FSTL4: variants seen among roughly 807,000 people sequenced by gnomAD.
The protein encoded by FSTL4 is follistatin like 4.
Under a neutral mutation model 78.2 loss-of-function variants are expected in FSTL4, and 28 were observed. The observed-to-expected ratio is 0.36, with a 90% CI of 0.27 to 0.49. The LOEUF (loss-of-function observed/expected upper bound fraction) is 0.49, where lower values mean the gene tolerates loss of function less well. Ranked by LOEUF, FSTL4 falls within the 20% of genes least tolerant of loss-of-function variation. FSTL4 has a pLI of 0.98. For synonymous variants in FSTL4, 422 were observed against 440.5 expected (o/e 0.96, Z 0.53); for missense variants, 922 against 1,084.9 (o/e 0.85, Z 2.11).
At chr5:133,652,486 T>C in the FSTL4 span, among the ~76,000 whole-genome samples, 1 of 152,212 alleles carries the variant, frequency 6.6e-6, no homozygotes, top group Non-Finnish European at 1.5e-5. Context: ...TTAAATTTTC[T>C]TTTGAGATTT....
chr5:133,524,192 G>A (rs1168391919), intron 3 of FSTL4, among the ~76,000 whole-genome samples: 1 of 152,168 alleles, frequency 6.6e-6, no homozygotes, highest in African/African-American at 2.4e-5. Context: ...TGGGAAGCTG[G>A]AGAGAGAGAT....
chr5:133,508,502 A>G (rs749402785), intron 3 of FSTL4, among the ~76,000 whole-genome samples: 13 of 152,244 alleles, frequency 8.5e-5, no homozygotes, highest in Non-Finnish European at 1.8e-4. Flanking sequence ...ATGTGATGAC[A>G]GCTATGACAT....
At chr5:133,259,179 G>GT (rs1281917548) in intron 6 of FSTL4, among the ~76,000 whole-genome samples, 1 of 148,426 alleles carries the variant, frequency 6.7e-6, no homozygotes, top group African/African-American at 2.5e-5. Context: ...AGGTGTGTGT[G>GT]TGGGGGGTGG....
At chr5:133,421,975 T>G (rs899333897) in intron 3 of FSTL4, among the ~76,000 whole-genome samples, 10 of 151,864 alleles carry the variant, frequency 6.6e-5, no homozygotes, top group African/African-American at 2.2e-4. Flanking sequence ...ACAAGGGATA[T>G]TTAGATAAGG....
the FSTL4 span, among the ~76,000 whole-genome samples, chr5:133,774,192 G>C: frequency 2.0e-5 from 3 of 152,206 alleles, no homozygotes; most frequent in African/African-American, 7.2e-5. Context: ...CTCATCATCT[G>C]TAGTTGCAGA....
At position 133,589,480 on chromosome 5, in the gene FSTL4, A is replaced by G. The variant is rs533208906; in HGVS notation, c.126+14378T>C. On this transcript the variant is annotated intron_variant, in intron 2 of 15. Coordinates refer to ENST00000265342, the MANE Select transcript of FSTL4 (RefSeq NM_015082.2). The stretch of plus-strand genomic sequence containing the variant: ...TGAGGGCAGTAGCTGCCAAGTCCCC[A>G]GTGGAATCCTGGAAGAAGTGCAAGG... 2.0e-5 allele frequency among the ~76,000 whole-genome samples: 3 copies of G among 152,210 alleles called. No homozygotes were observed. The South Asian group carries it at 6.2e-4, about 32-fold the overall frequency.
chr5:133,217,966 G>A (rs1581535561), intron 12 of FSTL4, among the ~76,000 whole-genome samples: 1 of 152,108 alleles, frequency 6.6e-6, no homozygotes, highest in Non-Finnish European at 1.5e-5. Context: ...CCACCCCCTT[G>A]TTAATCTCAT....
At chr5:133,404,144 G>A (rs1756300920) in intron 3 of FSTL4, among the ~76,000 whole-genome samples, 1 of 152,236 alleles carries the variant, frequency 6.6e-6, no homozygotes, top group Non-Finnish European at 1.5e-5. Flanking sequence ...CCCTGCATAT[G>A]CCCTTCACAA....
intron 3 of FSTL4, among the ~76,000 whole-genome samples, chr5:133,430,901 A>G (rs1209346820): frequency 3.3e-5 from 5 of 152,196 alleles, no homozygotes; most frequent in Admixed American, 2.0e-4. Context: ...ACCTTATACA[A>G]ACAAGAATTT....
At chr5:133,580,690 G>C (rs256256) in intron 2 of FSTL4, among the ~76,000 whole-genome samples, 10 of 152,000 alleles carry the variant, frequency 6.6e-5, no homozygotes, top group Admixed American at 2.6e-4. Flanking sequence ...ATCTGAGCAC[G>C]TTTGTCTGCT....
chr5:133,701,174 A>G, the FSTL4 span, among the ~76,000 whole-genome samples: 1 of 152,072 alleles, frequency 6.6e-6, no homozygotes, highest in Non-Finnish European at 1.5e-5. Flanking sequence ...AGGCCAAGGC[A>G]GGCAGATCAC....
intron 6 of FSTL4, among the ~76,000 whole-genome samples, chr5:133,264,051 T>G (rs1212678391): frequency 6.6e-6 from 1 of 152,096 alleles, no homozygotes; most frequent in East Asian, 1.9e-4. Context: ...CATTTGGTAA[T>G]GCCTGGAGGT....
chr5:133,471,619 C>T (rs1176155618), intron 3 of FSTL4, among the ~76,000 whole-genome samples: 1 of 152,174 alleles, frequency 6.6e-6, no homozygotes, highest in Non-Finnish European at 1.5e-5. Flanking sequence ...TGTTAGACTT[C>T]TCAGCCACCG....
At chr5:133,473,952 C>G (rs554861425) in intron 3 of FSTL4, among the ~76,000 whole-genome samples, 1 of 152,214 alleles carries the variant, frequency 6.6e-6, no homozygotes, top group African/African-American at 2.4e-5. Context: ...TGAGGTCCCT[C>G]CCCCAATACA....
intron 6 of FSTL4, among the ~76,000 whole-genome samples, chr5:133,295,750 T>C (rs766189426): frequency 6.6e-6 from 1 of 152,198 alleles, no homozygotes; most frequent in Non-Finnish European, 1.5e-5. Context: ...CACTCTTCTC[T>C]TGGCTCCTAG....
At chr5:133,637,894 T>C in the FSTL4 span, among the ~76,000 whole-genome samples, 1 of 151,728 alleles carries the variant, frequency 6.6e-6, no homozygotes, top group Non-Finnish European at 1.5e-5. Flanking sequence ...GTCACCGAGA[T>C]TGTGCCACTG....
chr5:133,783,185 C>G, the FSTL4 span, among the ~76,000 whole-genome samples: 1 of 152,172 alleles, frequency 6.6e-6, no homozygotes, highest in Non-Finnish European at 1.5e-5. Flanking sequence ...TTCCAAAGAC[C>G]TCTGTGGCTT....
At chr5:133,235,174 G>A (rs1402870026) in intron 7 of FSTL4, among the ~76,000 whole-genome samples, 5 of 152,066 alleles carry the variant, frequency 3.3e-5, no homozygotes, top group Admixed American at 1.3e-4. Flanking sequence ...CAATGGTCCC[G>A]AAACCCCTTA....
intron 7 of FSTL4, among the ~76,000 whole-genome samples, chr5:133,235,751 C>A (rs1052821587): frequency 1.3e-5 from 2 of 152,190 alleles, no homozygotes; most frequent in Non-Finnish European, 2.9e-5. Context: ...TTCTACCATT[C>A]TGCGGAAGCC....
Sources: allele counts gnomAD v4.1 joint callset (sites outside exome capture counted in the v4.1 genomes callset), GRCh38; gene constraint gnomAD v4.1.1; transcripts MANE v1.5; gene names NCBI Gene and HGNC (gene_info 2026-07-23, HGNC 2026-07-21).